Variants in ABCD3 observed in about 807,000 individuals in gnomAD.
ABCD3 encodes the protein ATP-binding cassette sub-family D member 3.
A neutral mutation model predicts 105.5 loss-of-function variants in ABCD3; 41 were observed. That is an observed-to-expected ratio of 0.39 (90% confidence interval 0.30 to 0.50). The LOEUF is 0.50. ABCD3 is among the 20% of genes least tolerant of loss of function. The probability of loss-of-function intolerance (pLI) is 0.84; values close to 1 mark genes in which losing one functional copy is unlikely to be tolerated. For missense variants in ABCD3, 622 were observed against 806.3 expected, an observed-to-expected ratio of 0.77 and a Z score of 2.77; for synonymous variants, 258 against 269.0, an observed-to-expected ratio of 0.96 and a Z score of 0.40.
chr1:94,419,858 C>G (rs1239852686), intron 1 of ABCD3, among the ~76,000 whole-genome samples: 2 of 152,104 alleles, frequency 1.3e-5, no homozygotes, highest in Non-Finnish European at 2.9e-5. Context: ...CATTTTTCTT[C>G]TATTCAGTTT....
Position 94,444,598 on chromosome 1 carries a change from C to A in ABCD3, c.111-14009C>A, listed in dbSNP as rs72727490. The stretch of plus-strand genomic sequence containing the variant: ...GAGCCTACAGATTTTTTGTTATAAA[C>A]CTTTTCATTTTGTAAGTCTGTTGTT... On this transcript the variant is annotated intron_variant, in intron 1 of 22. Coordinates refer to ENST00000370214, the MANE Select transcript of ABCD3 (RefSeq NM_002858.4). Among the ~76,000 whole-genome samples the A allele has an allele frequency of 4.1e-3, 630 of 152,196 alleles. 3 individuals carry two copies. The highest frequency in any genetic ancestry group is 5.3e-3 in the Non-Finnish European group (358 of 68,006).
At chr1:94,407,626 A>G in the ABCD3 span, among the ~76,000 whole-genome samples, 1 of 152,352 alleles carries the variant, frequency 6.6e-6, no homozygotes, top group Non-Finnish European at 1.5e-5. Context: ...TGTGAATATT[A>G]TCCAGCTCAT....
intron 9 of ABCD3, 46 bp from the exon 10 acceptor site, chr1:94,483,124 G>C: frequency 1.6e-6 from 2 of 1,235,450 alleles, no homozygotes; most frequent in Non-Finnish European, 2.4e-6. Flanking sequence ...TATTTTCCAA[G>C]CATAGGTAAC....
At chr1:94,456,935 A>T (rs1218179827) in intron 1 of ABCD3, among the ~76,000 whole-genome samples, 1 of 152,174 alleles carries the variant, frequency 6.6e-6, no homozygotes, top group East Asian at 1.9e-4. Flanking sequence ...TTTTGATAAT[A>T]GTCATCCTAA....
chr1:94,505,512 C>A (rs551055980), intron 20 of ABCD3, among the ~76,000 whole-genome samples: 2 of 151,986 alleles, frequency 1.3e-5, no homozygotes, highest in South Asian at 4.1e-4. Flanking sequence ...CTGTGCCTGG[C>A]TGATATTTTT....
At chr1:94,434,046 CT>C (rs1489696487) in intron 1 of ABCD3, among the ~76,000 whole-genome samples, 2 of 152,106 alleles carry the variant, frequency 1.3e-5, no homozygotes, top group African/African-American at 4.8e-5. Flanking sequence ...ATGAATGGAG[CT>C]TGCAGGACTG....
At chr1:94,457,568 G>A (rs182423294) in intron 1 of ABCD3, among the ~76,000 whole-genome samples, 2 of 151,938 alleles carry the variant, frequency 1.3e-5, no homozygotes, top group African/African-American at 2.4e-5. Flanking sequence ...CTCTTTCCCC[G>A]CCTTTGTCCC....
At chr1:94,388,946 GC>G in the ABCD3 span, among the ~76,000 whole-genome samples, 3 of 151,718 alleles carry the variant, frequency 2.0e-5, no homozygotes, top group Non-Finnish European at 4.4e-5. Flanking sequence ...TCTTAAAATT[GC>G]CCATCTGAGT....
chr1:94,506,580 G>A lies in ABCD3; in HGVS notation c.1783G>A (p.Asp595Asn). ...TCATAAACCCCAGTTTGCCATTTTG[G>A]ATGAATGCACAAGTGCAGTTAGTGT... is the stretch of plus-strand genomic sequence containing the variant. ...FYHKPQFAIL[D>N]ECTSAVSVDV... The change falls in exon 21 of 23, where the codon GAT becomes AAT. Residue 595 changes from aspartate to asparagine, a missense_variant. Physicochemically the swap from Asp to Asn is conservative, Grantham distance 23. Transcript: ENST00000370214. 6.2e-7 allele frequency: 1 copy of A among 1,612,956 alleles called. No individual in the cohort carries two copies. The highest frequency in any genetic ancestry group is 8.5e-7 in the Non-Finnish European group (1 of 1,179,320).
At chr1:94,409,610 A>T in the ABCD3 span, among the ~76,000 whole-genome samples, 1 of 152,228 alleles carries the variant, frequency 6.6e-6, no homozygotes, top group African/African-American at 2.4e-5. Context: ...ACTTTAAAAA[A>T]TTATACAAAC....
intron 16 of ABCD3, among the ~76,000 whole-genome samples, chr1:94,497,764 A>G (rs1471658017): frequency 1.3e-5 from 2 of 152,236 alleles, no homozygotes; most frequent in Non-Finnish European, 2.9e-5. Flanking sequence ...AGAAGAGCAA[A>G]ACAAAATGCA....
intron 21 of ABCD3, chr1:94,513,743 C>T (rs1472017293): frequency 6.6e-6 from 1 of 151,902 alleles, no homozygotes; most frequent in Non-Finnish European, 1.5e-5. Context: ...TTTATATCCT[C>T]ATGTAAAGAA....
intron 16 of ABCD3, among the ~76,000 whole-genome samples, chr1:94,491,780 G>A (rs983959498): frequency 2.0e-5 from 3 of 152,072 alleles, no homozygotes; most frequent in East Asian, 3.8e-4. Flanking sequence ...ATGGGATATG[G>A]CAGACCAAAT....
intron 1 of ABCD3, among the ~76,000 whole-genome samples, chr1:94,442,223 T>G (rs895597422): frequency 1.3e-5 from 2 of 152,212 alleles, no homozygotes; most frequent in African/African-American, 4.8e-5. Flanking sequence ...AATTAAAAGT[T>G]TATTTTAAAA....
chr1:94,482,673 G>GT (rs1220714692), intron 9 of ABCD3: 1 of 164,716 alleles, frequency 6.1e-6, no homozygotes, highest in Non-Finnish European at 1.3e-5. Context: ...GGGTTCCAGG[G>GT]TTTCCTCCTG....
the ABCD3 span, among the ~76,000 whole-genome samples, chr1:94,405,350 G>T: frequency 1.4e-5 from 2 of 141,092 alleles, no homozygotes; most frequent in Non-Finnish European, 1.5e-5. Flanking sequence ...CACTCTTGTC[G>T]CCAAGGCTGG....
the ABCD3 span, among the ~76,000 whole-genome samples, chr1:94,404,018 A>C: frequency 2.2e-3 from 332 of 152,344 alleles, 1 homozygote; most frequent in African/African-American, 7.7e-3. Context: ...CTGTAAGTAC[A>C]TATACATGCA....
chr1:94,424,009 C>T (rs1223454443), intron 1 of ABCD3, among the ~76,000 whole-genome samples: 1 of 152,138 alleles, frequency 6.6e-6, no homozygotes, highest in African/African-American at 2.4e-5. Flanking sequence ...GAGACCCTTA[C>T]AGTTACCCAT....
In ABCD3 at chr1:94,489,624, T is replaced by C. The variant is rs971178040; in HGVS notation, c.1158-101T>C. On this transcript the variant is annotated intron_variant, in intron 13 of 22. Transcript: ENST00000370214. ...TTGATGAGACTGTTAGGTTACTTCA[T>C]TTATACTAAATTATAATTTTAGGAA... 1.2e-5 allele frequency: 10 copies of C among 832,396 alleles called. No homozygotes were observed. In the Admixed American group the frequency reaches 1.8e-4, roughly 15 times the overall value. 51.6% of individuals were successfully genotyped at this position (832,396 alleles called of 1,614,324 possible). A position where few individuals can be genotyped will look rare whatever the true frequency, so the allele number is the denominator to read the frequency against.
Sources: allele counts gnomAD v4.1 joint callset (sites outside exome capture counted in the v4.1 genomes callset), GRCh38; gene constraint gnomAD v4.1.1; transcripts MANE v1.5; gene names NCBI Gene and HGNC (gene_info 2026-07-23, HGNC 2026-07-21).